Variants in EIF4G3 observed in about 807,000 individuals in gnomAD.
EIF4G3 encodes the protein eIF-4-gamma 3.
A neutral mutation model predicts 186.4 loss-of-function variants in EIF4G3; 34 were observed. The ratio of observed to expected loss-of-function variants is 0.18; its 90% confidence interval spans 0.14 to 0.24. The LOEUF (loss-of-function observed/expected upper bound fraction) is 0.24. Ranked by LOEUF, EIF4G3 falls within the 10% of genes least tolerant of loss-of-function variation. The pLI is 1.00. For missense variants in EIF4G3, 1,536 were observed against 1,948.5 expected, an observed-to-expected ratio of 0.79 and a Z score of 3.99; for synonymous variants, 673 against 679.5, an observed-to-expected ratio of 0.99 and a Z score of 0.15.
At chr1:21,084,073 A>G (rs2095877869) in intron 3 of EIF4G3, among the ~76,000 whole-genome samples, 1 of 152,104 alleles carries the variant, frequency 6.6e-6, no homozygotes, top group Non-Finnish European at 1.5e-5. Flanking sequence ...CAGCAGCCAC[A>G]GTGACCTTTT....
chr1:20,867,461 G>T (rs2077827404), intron 20 of EIF4G3, among the ~76,000 whole-genome samples: 2 of 152,158 alleles, frequency 1.3e-5, no homozygotes, highest in Non-Finnish European at 2.9e-5. Context: ...CACAATCCCA[G>T]CTCTGCCATG....
At chr1:21,072,448 G>T (rs1223296429) in intron 3 of EIF4G3, among the ~76,000 whole-genome samples, 1 of 152,036 alleles carries the variant, frequency 6.6e-6, no homozygotes, top group African/African-American at 2.4e-5. Context: ...CTGTCGCCAA[G>T]GCTGGAGTGC....
chr1:20,869,619 C>G (rs1306109419), intron 20 of EIF4G3, among the ~76,000 whole-genome samples: 2 of 151,326 alleles, frequency 1.3e-5, no homozygotes, highest in African/African-American at 2.4e-5. Flanking sequence ...ACTAAAAATA[C>G]AAAAAATTAG....
At chr1:20,991,002 T>G (rs1345268924) in intron 7 of EIF4G3, among the ~76,000 whole-genome samples, 1 of 152,220 alleles carries the variant, frequency 6.6e-6, no homozygotes, top group Non-Finnish European at 1.5e-5. Flanking sequence ...GAAGTACTCT[T>G]GAAGAACAGT....
intron 3 of EIF4G3, among the ~76,000 whole-genome samples, chr1:21,085,764 G>T (rs1015645249): frequency 6.6e-6 from 1 of 151,942 alleles, no homozygotes; most frequent in South Asian, 2.1e-4. Context: ...CGCGATCTTG[G>T]CTCACTGCAA....
chr1:20,859,061 T>G (rs547521455), intron 24 of EIF4G3, among the ~76,000 whole-genome samples: 11 of 152,334 alleles, frequency 7.2e-5, no homozygotes, highest in Non-Finnish European at 1.2e-4. Flanking sequence ...CCAAAAGCTT[T>G]TCTGGTCCTA....
intron 2 of EIF4G3, among the ~76,000 whole-genome samples, chr1:21,141,208 G>A (rs1210643277): frequency 6.6e-6 from 1 of 152,090 alleles, no homozygotes; most frequent in African/African-American, 2.4e-5. Flanking sequence ...AAACGAAGAG[G>A]TGTCAACCAA....
rs114263596 is a variant in EIF4G3, at chr1:20,885,293, G to A, written c.2424+908C>T. Among the ~76,000 whole-genome samples the A allele has an allele frequency of 5.2e-3, 788 of 152,248 alleles. 7 individuals carry two copies. The highest frequency in any genetic ancestry group is 0.018 in the African/African-American group (752 of 41,556). ...ATCATCGTACTGAGCACTTAACCACGCTCCAGGAACCATGCCAAATGGTTT... is the reference window on the plus strand; with the variant it reads ...ATCATCGTACTGAGCACTTAACCACACTCCAGGAACCATGCCAAATGGTTT... On this transcript the variant is annotated intron_variant, in intron 19 of 36. Coordinates refer to ENST00000602326, the MANE Select transcript of EIF4G3 (RefSeq NM_001391906.1).
intron 10 of EIF4G3, among the ~76,000 whole-genome samples, 167 bp downstream of exon 10, chr1:20,980,167 T>C (rs1355255823): frequency 6.6e-6 from 1 of 151,952 alleles, no homozygotes; most frequent in Non-Finnish European, 1.5e-5. Flanking sequence ...GAGACTCCCA[T>C]TTCTGGAAGA....
intron 19 of EIF4G3, among the ~76,000 whole-genome samples, chr1:20,883,081 C>CAAAACAA (rs2082913709): frequency 9.9e-6 from 1 of 101,214 alleles, no homozygotes. Context: ...AACCCTGTCT[C>CAAAACAA]AAAAAAAAAA....
At chr1:21,168,723 G>A (rs1299022993) in intron 2 of EIF4G3, among the ~76,000 whole-genome samples, 2 of 151,668 alleles carry the variant, frequency 1.3e-5, no homozygotes, top group East Asian at 3.9e-4. Flanking sequence ...ACCACACCTG[G>A]CCAAAAAAAG....
At chr1:21,064,038 CT>C (rs1428369254) in intron 3 of EIF4G3, among the ~76,000 whole-genome samples, 9 of 152,052 alleles carry the variant, frequency 5.9e-5, no homozygotes, top group Admixed American at 5.2e-4. Context: ...TCCTGTCATA[CT>C]TTTCTCTGTG....
chr1:21,088,586 A>T (rs1399450636), intron 3 of EIF4G3, among the ~76,000 whole-genome samples: 1 of 152,160 alleles, frequency 6.6e-6, no homozygotes, highest in Non-Finnish European at 1.5e-5. Flanking sequence ...TCAAGAGTCC[A>T]AAAAGAATAC....
intron 14 of EIF4G3, among the ~76,000 whole-genome samples, chr1:20,906,156 T>C (rs1008879351): frequency 4.6e-5 from 7 of 152,210 alleles, no homozygotes; most frequent in Non-Finnish European, 1.0e-4. Flanking sequence ...GAAACACTAA[T>C]AGACCAGCTG....
intron 14 of EIF4G3, among the ~76,000 whole-genome samples, chr1:20,940,631 C>T (rs552999563): frequency 2.0e-4 from 30 of 152,306 alleles, no homozygotes; most frequent in Non-Finnish European, 3.7e-4. Flanking sequence ...AATTTACATA[C>T]GCATTACTTA....
At chr1:21,052,145 CCA>C in intron 3 of EIF4G3, among the ~76,000 whole-genome samples, 1 of 152,070 alleles carries the variant, frequency 6.6e-6, no homozygotes, top group African/African-American at 2.4e-5. Context: ...TTTTACGTAA[CCA>C]AAAATTTCAT....
At chr1:21,007,991 C>A (rs2085771281) in intron 4 of EIF4G3, among the ~76,000 whole-genome samples, 1 of 152,100 alleles carries the variant, frequency 6.6e-6, no homozygotes, top group Non-Finnish European at 1.5e-5. Flanking sequence ...GCATGAAATA[C>A]AAATATGCCA....
At chr1:21,101,576 C>CA (rs1557966778) in intron 2 of EIF4G3, among the ~76,000 whole-genome samples, 7 of 30,464 alleles carry the variant, frequency 2.3e-4, no homozygotes, top group South Asian at 1.3e-3. Context: ...AAAAAAAAAA[C>CA]AACAAAAAAA....
rs777713554 is a variant in EIF4G3 at position 20,862,329 on chromosome 1, G to A, written c.3010C>T (p.Arg1004Cys). 4.4e-6 allele frequency: 7 copies of A among 1,584,652 alleles called. No homozygotes were observed. Among genetic ancestry groups the A allele is most frequent in the South Asian group, 1.2e-5 (1 of 85,584 alleles). Residue 1004 changes from arginine (R) to cysteine (C), a missense_variant, in exon 23 of 37, where the codon CGT becomes TGT. By Grantham distance (180) the Arg-to-Cys change is radical (BLOSUM62 -3). This residue lies in a region of EIF4G3 where 110 missense variants were observed against 166.2 expected (regional missense o/e 0.66). Coordinates refer to ENST00000602326, the MANE Select transcript of EIF4G3 (RefSeq NM_001391906.1). ...KDLDFEKAKP[R>C]MDQYFNQMEK... is the part of the protein sequence containing the mutation. ...ATCTGATTAAAGTACTGGTCCATAC[G>A]TGGCTGCAAGAGACAAAATCATTAG...
Sources: gnomAD v4.1 joint callset for allele counts (sites outside exome capture counted in the v4.1 genomes callset) on GRCh38, gnomAD v4.1.1 for gene constraint, gnomAD v4.1.1 regional missense constraint, MANE v1.5 for transcripts, NCBI Gene and HGNC (gene_info 2026-07-23, HGNC 2026-07-21) for gene names.